OSR2: variants seen among roughly 807,000 people sequenced by gnomAD.
OSR2 encodes protein odd-skipped-related 2.
Under a neutral mutation model 22.3 loss-of-function variants are expected in OSR2, and 8 were observed. The ratio of observed to expected loss-of-function variants is 0.36; its 90% confidence interval spans 0.21 to 0.65. OSR2 has a LOEUF of 0.65. OSR2 is among the 30% of genes least tolerant of loss of function. The probability of loss-of-function intolerance (pLI) is 0.66; values close to 1 mark genes in which losing one functional copy is unlikely to be tolerated. For missense variants in OSR2, 311 were observed against 413.4 expected (o/e 0.75, Z 2.15); for synonymous variants, 179 against 173.8 (o/e 1.03, Z -0.23).
chr8:98,948,245 G>A lies in OSR2; in HGVS notation c.-114-594G>A. On this transcript the variant is annotated intron_variant, in intron 1 of 3. Coordinates refer to ENST00000297565, the MANE Select transcript of OSR2 (RefSeq NM_001142462.3). The surrounding 1 kb of genome is among the most constrained non-coding windows in gnomAD (Gnocchi z 6.0). ...GCGGGGCGAGGTGAGCCCCTCCCAG[G>A]GCCCTCTGGCCCAGGAGGATGAAGC... is the stretch of plus-strand genomic sequence containing the variant. The A allele has an allele frequency of 6.7e-7, 1 of 1,491,374 alleles. No homozygotes were observed. The highest frequency in any genetic ancestry group is 1.4e-5 in the African/African-American group (1 of 71,340). 92.4% of individuals were successfully genotyped at this position (1,491,374 alleles called of 1,614,324 possible).
intron 1 of OSR2, chr8:98,946,431 G>A (rs959789456): frequency 2.6e-5 from 4 of 152,184 alleles, no homozygotes; most frequent in Non-Finnish European, 5.9e-5. Context: ...ATTATTTGTG[G>A]CAAGAGCCAT....
Position 98,948,317 on chromosome 8 carries a change from G to A in OSR2, c.-114-522G>A, listed in dbSNP as rs1283887324. 7 of 1,524,550 alleles carry A rather than the reference G, an allele frequency of 4.6e-6. No individual in the cohort carries two copies. Among genetic ancestry groups the A allele is most frequent in the South Asian group, 1.2e-5 (1 of 83,350 alleles). 94.4% of individuals were successfully genotyped at this position (1,524,550 alleles called of 1,614,324 possible). A position where few individuals can be genotyped will look rare whatever the true frequency, so the allele number is the denominator to read the frequency against. On this transcript the variant is annotated intron_variant, in intron 1 of 3. Coordinates refer to ENST00000297565, the MANE Select transcript of OSR2 (RefSeq NM_001142462.3). The surrounding 1 kb of genome is among the most constrained non-coding windows in gnomAD (Gnocchi z 6.0). Reference sequence around the variant, plus strand: ...GCCGGCTTGCCATCCGGGTAAGCGCGGGAAAGGCGGCCACAGGGCGCGGCG... The same window carrying A: ...GCCGGCTTGCCATCCGGGTAAGCGCAGGAAAGGCGGCCACAGGGCGCGGCG...
intron 1 of OSR2, chr8:98,946,363 CT>C (rs1175664327): frequency 3.9e-5 from 6 of 152,240 alleles, no homozygotes; most frequent in African/African-American, 1.4e-4. Flanking sequence ...ACTTAAAATA[CT>C]TCTTTTGACA....
Position 98,948,554 on chromosome 8 carries a change from C to T in OSR2, c.-114-285C>T. ...TGTCCGCCTTTCGTTTTCCTGGGAC[C>T]GAGGAGTCTTCCGCTCCGTATCTGC... is the stretch of plus-strand genomic sequence containing the variant. On this transcript the variant is annotated intron_variant, in intron 1 of 3. Transcript: ENST00000297565. The surrounding 1 kb of genome is among the most constrained non-coding windows in gnomAD (Gnocchi z 6.0). 3.2e-6 allele frequency: 4 copies of T among 1,257,034 alleles called. No individual in the cohort carries two copies. Among genetic ancestry groups the T allele is most frequent in the Non-Finnish European group, 4.2e-6 (4 of 944,284 alleles). The allele number at this position is 1,257,034 out of a possible 1,614,324, so 77.9% of individuals were successfully genotyped here.
In OSR2 at chr8:98,951,188, G is replaced by A. The variant is rs150420485; in HGVS notation, c.757-331G>A. Among the ~76,000 whole-genome samples, 925 of 152,228 alleles carry A rather than the reference G, an allele frequency of 6.1e-3. 13 individuals are homozygous for A. The highest frequency in any genetic ancestry group is 0.021 in the African/African-American group (880 of 41,516). ...GAGCCTTATTACCCAGGAGAATGTT[G>A]TTCCTTAAGAGAGGATTAGAGTTTT... On this transcript the variant is annotated intron_variant, in intron 3 of 3. Transcript: ENST00000297565.
intron 3 of OSR2, 118 bp downstream of exon 3, chr8:98,950,873 A>G (rs1164749042): frequency 1.4e-6 from 1 of 715,614 alleles, no homozygotes; most frequent in African/African-American, 1.8e-5. Flanking sequence ...TTAGTTCTCT[A>G]GGTGGGGAAA....
At chr8:98,946,738 C>T (rs923402523) in intron 1 of OSR2, among the ~76,000 whole-genome samples, 2 of 152,114 alleles carry the variant, frequency 1.3e-5, no homozygotes, top group East Asian at 3.9e-4. Context: ...GTACTTTAGC[C>T]AACACCACTC....
rs1317008100 is a variant in OSR2 at position 98,944,711 on chromosome 8, C to G, written c.-227C>G. 1.3e-5 allele frequency: 2 copies of G among 152,224 alleles called. No individual in the cohort carries two copies. Among genetic ancestry groups the G allele is most frequent in the Non-Finnish European group, 2.9e-5 (2 of 68,048 alleles). The allele number at this position is 152,224 out of a possible 1,614,324, so 9.4% of individuals were successfully genotyped here. ...ATCATGTCCGCGACTCCTGCGACTC[C>G]GCGCGGAAAAAAAAGTTTGCCAGGC... On this transcript the variant is annotated 5_prime_UTR_variant, in exon 1 of 4. Coordinates refer to ENST00000297565, the MANE Select transcript of OSR2 (RefSeq NM_001142462.3).
chr8:98,951,134 G>A (rs552695291), intron 3 of OSR2: 11 of 471,188 alleles, frequency 2.3e-5, no homozygotes, highest in African/African-American at 2.2e-4. Flanking sequence ...TCAGGACATT[G>A]AGGAATAGTT....
chr8:98,949,688 G>A lies in OSR2; in HGVS notation c.656+80G>A. The A allele has an allele frequency of 4.0e-6, 6 of 1,485,340 alleles. No homozygotes were observed. The highest frequency in any genetic ancestry group is 5.5e-6 in the Non-Finnish European group (6 of 1,099,096). 92.0% of individuals were successfully genotyped at this position (1,485,340 alleles called of 1,614,324 possible). A position where few individuals can be genotyped will look rare whatever the true frequency, so the allele number is the denominator to read the frequency against. On this transcript the variant is annotated intron_variant, in intron 2 of 3. Transcript: ENST00000297565. This position sits in a 1 kb window ranked among gnomAD's most constrained non-coding sequence, Gnocchi z 5.9. Reference sequence around the variant, plus strand: ...CACCGAGTCCTGATAGACATTCCCAGTGTCATTATAATCCCCTGTGATCTA... The same window carrying A: ...CACCGAGTCCTGATAGACATTCCCAATGTCATTATAATCCCCTGTGATCTA...
chr8:98,948,222 G>T lies in OSR2; in HGVS notation c.-114-617G>T. 2.0e-6 allele frequency: 3 copies of T among 1,464,596 alleles called. No homozygotes were observed. Among genetic ancestry groups the T allele is most frequent in the Non-Finnish European group, 1.8e-6 (2 of 1,110,362 alleles). The allele number at this position is 1,464,596 out of a possible 1,614,324, so 90.7% of individuals were successfully genotyped here. ...AAAAGAAAACCTCCGAGGTCAGTGCGGGGCGAGGTGAGCCCCTCCCAGGGC... is the reference window on the plus strand; with the variant it reads ...AAAAGAAAACCTCCGAGGTCAGTGCTGGGCGAGGTGAGCCCCTCCCAGGGC... On this transcript the variant is annotated intron_variant, in intron 1 of 3. Coordinates refer to ENST00000297565, the MANE Select transcript of OSR2 (RefSeq NM_001142462.3). This position sits in a 1 kb window ranked among gnomAD's most constrained non-coding sequence, Gnocchi z 6.0.
In OSR2 at chr8:98,951,698, C is replaced by G. The variant is rs759318120; in HGVS notation, c.936C>G (p.Phe312Leu). 6.2e-7 allele frequency: 1 copy of G among 1,611,650 alleles called. No homozygotes were observed. Among genetic ancestry groups the G allele is most frequent in the Non-Finnish European group, 8.5e-7 (1 of 1,179,064 alleles). ...TGACTCACACCCCGCGGCAGGACTT[C>G]TAGAGAAGCCCAGGATCTGTCCCGT... is the stretch of plus-strand genomic sequence containing the variant. ...HSLTHTPRQD[F>L] is the part of the protein sequence containing the mutation. Residue 312 changes from phenylalanine to leucine, a missense_variant, in exon 4 of 4, where the codon TTC (phenylalanine) becomes TTG (leucine). This residue lies in a region of OSR2 where 70 missense variants were observed against 84.5 expected (regional missense o/e 0.83). Coordinates refer to ENST00000297565, the MANE Select transcript of OSR2 (RefSeq NM_001142462.3).
At chr8:98,950,267 C>T (rs958115784) in intron 2 of OSR2, among the ~76,000 whole-genome samples, 2 of 152,116 alleles carry the variant, frequency 1.3e-5, no homozygotes, top group African/African-American at 4.8e-5. Flanking sequence ...AGAGATGAGA[C>T]TTCTGTACCC....
intron 1 of OSR2, among the ~76,000 whole-genome samples, chr8:98,945,302 T>C (rs910573582): frequency 6.6e-6 from 1 of 152,198 alleles, no homozygotes; most frequent in Admixed American, 6.5e-5. Flanking sequence ...GTCAACCTCG[T>C]GCTGGCTTTA....
chr8:98,946,474 A>G (rs1840617510), intron 1 of OSR2, among the ~76,000 whole-genome samples: 1 of 152,248 alleles, frequency 6.6e-6, no homozygotes, highest in South Asian at 2.1e-4. Flanking sequence ...TGTTTGTAAA[A>G]GGGTTTCAAA....
Position 98,948,215 on chromosome 8 carries a change from T to C in OSR2, c.-114-624T>C. 7.0e-7 allele frequency: 1 copy of C among 1,434,674 alleles called. No individual in the cohort carries two copies. Among genetic ancestry groups the C allele is most frequent in the Non-Finnish European group, 9.1e-7 (1 of 1,097,066 alleles). The allele number at this position is 1,434,674 out of a possible 1,614,324, so 88.9% of individuals were successfully genotyped here. A position where few individuals can be genotyped will look rare whatever the true frequency, so the allele number is the denominator to read the frequency against. On this transcript the variant is annotated intron_variant, in intron 1 of 3. Transcript: ENST00000297565. The surrounding 1 kb of genome is among the most constrained non-coding windows in gnomAD (Gnocchi z 6.0). Reference sequence around the variant, plus strand: ...GGAAGGAAAAAGAAAACCTCCGAGGTCAGTGCGGGGCGAGGTGAGCCCCTC... The same window carrying C: ...GGAAGGAAAAAGAAAACCTCCGAGGCCAGTGCGGGGCGAGGTGAGCCCCTC...
chr8:98,951,993 T>C lies in OSR2; in HGVS notation c.*292T>C. 1 of 285,752 alleles carries C rather than the reference T, an allele frequency of 3.5e-6. No individual in the cohort carries two copies. The highest frequency in any genetic ancestry group is 6.5e-6 in the Non-Finnish European group (1 of 154,118). 17.7% of individuals were successfully genotyped at this position (285,752 alleles called of 1,614,324 possible). The stretch of plus-strand genomic sequence containing the variant: ...TGTGGGTCTTTGTTTTGTTGTTTTG[T>C]TTGCTTTGGGATCTTGTTGGATGCA... On this transcript the variant is annotated 3_prime_UTR_variant, in exon 4 of 4. Transcript: ENST00000297565.
In OSR2 at chr8:98,948,210, C is replaced by T. The variant is rs554036022; in HGVS notation, c.-114-629C>T. The T allele has an allele frequency of 7.7e-6, 11 of 1,427,580 alleles. No individual in the cohort carries two copies. In the East Asian group the frequency reaches 1.4e-4, roughly 18 times the overall value. 88.4% of individuals were successfully genotyped at this position (1,427,580 alleles called of 1,614,324 possible). A position where few individuals can be genotyped will look rare whatever the true frequency, so the allele number is the denominator to read the frequency against. Reference sequence around the variant, plus strand: ...GCAGAGGAAGGAAAAAGAAAACCTCCGAGGTCAGTGCGGGGCGAGGTGAGC... The same window carrying T: ...GCAGAGGAAGGAAAAAGAAAACCTCTGAGGTCAGTGCGGGGCGAGGTGAGC... On this transcript the variant is annotated intron_variant, in intron 1 of 3. Transcript: ENST00000297565. This position sits in a 1 kb window ranked among gnomAD's most constrained non-coding sequence, Gnocchi z 6.0.
intron 1 of OSR2, among the ~76,000 whole-genome samples, chr8:98,945,759 T>C (rs1840593463): frequency 6.6e-6 from 1 of 152,182 alleles, no homozygotes; most frequent in Admixed American, 6.5e-5. Flanking sequence ...ATCTGTCCTT[T>C]AACAATTTTT....
Sources: gnomAD v4.1 joint callset for allele counts (sites outside exome capture counted in the v4.1 genomes callset) on GRCh38, gnomAD v4.1.1 for gene constraint, gnomAD v4.1.1 regional missense constraint, Gnocchi (gnomAD v3.1) non-coding constraint, MANE v1.5 for transcripts, NCBI Gene and HGNC (gene_info 2026-07-23, HGNC 2026-07-21) for gene names.